The following CNTROB variants were observed in gnomAD, a reference collection of about 807,000 sequenced individuals.
CNTROB encodes centrobin, centriole duplication and spindle assembly protein.
CNTROB carries 82 observed loss-of-function variants against 115.7 expected under a neutral mutation model. The observed-to-expected ratio is 0.71, with a 90% confidence interval of 0.59 to 0.85. The LOEUF (loss-of-function observed/expected upper bound fraction) is 0.85, where lower values mean the gene tolerates loss of function less well. Ranked by LOEUF, CNTROB falls within the 40% of genes least tolerant of loss-of-function variation. CNTROB has a pLI of 0.00. For synonymous variants in CNTROB, 439 were observed against 456.4 expected (o/e 0.96, Z 0.49); for missense variants, 1,014 against 1,144.4 (o/e 0.89, Z 1.64).
At chr17:7,937,921 T>G (rs1373265707) in intron 7 of CNTROB, among the ~76,000 whole-genome samples, 1 of 152,152 alleles carries the variant, frequency 6.6e-6, no homozygotes, top group African/African-American at 2.4e-5. Flanking sequence ...TGGGTGATTT[T>G]TTTCAATCTG....
chr17:7,939,798 G>A lies in CNTROB; in HGVS notation c.1164+49G>A, dbSNP rs746037493. ...TGAGGAACTAGGGAGTAGATGAAGG[G>A]CAAAATAATTGAATGGGATGGAATG... On this transcript the variant is annotated intron_variant, in intron 8 of 18. Transcript: ENST00000563694. This position sits in a 1 kb window ranked among gnomAD's most constrained non-coding sequence, Gnocchi z 4.4. The A allele has an allele frequency of 6.6e-7, 1 of 1,521,522 alleles. No homozygotes were observed. Among genetic ancestry groups the A allele is most frequent in the South Asian group, 1.1e-5 (1 of 88,624 alleles). 94.3% of individuals were successfully genotyped at this position (1,521,522 alleles called of 1,614,324 possible). A position where few individuals can be genotyped will look rare whatever the true frequency, so the allele number is the denominator to read the frequency against.
chr17:7,945,870 C>A lies in CNTROB; in HGVS notation c.1877C>A (p.Ala626Glu). 1 of 1,614,168 alleles carries A rather than the reference C, an allele frequency of 6.2e-7. No individual in the cohort carries two copies. The highest frequency in any genetic ancestry group is 1.1e-5 in the South Asian group (1 of 91,090). Residue 626 changes from alanine to glutamate, a missense_variant, in exon 13 of 19, where the codon GCG becomes GAG. Physicochemically the swap from Ala to Glu is moderately radical, Grantham distance 107 (BLOSUM62 -1). Coordinates refer to ENST00000563694, the MANE Select transcript of CNTROB (RefSeq NM_053051.5). Reference sequence around the variant, plus strand: ...GAAGCAAGGGACGAGCTACCTGGAGCGCCTCCTGTTCTTTGCAGTTCCTCC... The same window carrying A: ...GAAGCAAGGGACGAGCTACCTGGAGAGCCTCCTGTTCTTTGCAGTTCCTCC... ...SREARDELPG[A>E]PPVLCSSSSD...
intron 9 of CNTROB, among the ~76,000 whole-genome samples, chr17:7,940,654 G>A (rs1973747919): frequency 6.6e-6 from 1 of 152,140 alleles, no homozygotes; most frequent in African/African-American, 2.4e-5. Context: ...CAGGGACCCA[G>A]GAGGGCAATG....
chr17:7,949,258 C>G, intron 18 of CNTROB, 101 bp downstream of exon 18: 2 of 1,563,946 alleles, frequency 1.3e-6, no homozygotes, highest in Non-Finnish European at 1.8e-6. Context: ...TCCACCCCTG[C>G]ATTCTGTAGC....
At position 7,936,968 on chromosome 17, in the gene CNTROB, C is replaced by A; in HGVS notation, c.828+151C>A. On this transcript the variant is annotated intron_variant, in intron 6 of 18. Coordinates refer to ENST00000563694, the MANE Select transcript of CNTROB (RefSeq NM_053051.5). ...CATTTCTTCTCATCCCTCCTTTCTT[C>A]TCCTTTAACCGTTTCTGCTGTCCAA... The A allele has an allele frequency of 1.3e-6, 1 of 775,552 alleles. No homozygotes were observed. Among genetic ancestry groups the A allele is most frequent in the Admixed American group, 2.3e-5 (1 of 43,390 alleles). The allele number at this position is 775,552 out of a possible 1,614,324, so 48.0% of individuals were successfully genotyped here. A position where few individuals can be genotyped will look rare whatever the true frequency, so the allele number is the denominator to read the frequency against.
chr17:7,943,526 T>C lies in CNTROB; in HGVS notation c.1445+2T>C. 1 of 1,609,048 alleles carries C rather than the reference T, an allele frequency of 6.2e-7. No homozygotes were observed. The highest frequency in any genetic ancestry group is 8.5e-7 in the Non-Finnish European group (1 of 1,176,608). On this transcript the variant is annotated splice_donor_variant, in intron 10 of 18. Transcript: ENST00000563694. LOFTEE classifies it high-confidence loss of function. This position sits in a 1 kb window ranked among gnomAD's most constrained non-coding sequence, Gnocchi z 4.7. ...AGCCTCCCTCAGGGAACATCACAGG[T>C]ACGTGGGACTCACTGGGTGTCACTT...
chr17:7,933,200 T>G lies in CNTROB; in HGVS notation c.121T>G (p.Ser41Ala). 3 of 1,614,230 alleles carry G rather than the reference T, an allele frequency of 1.9e-6. No individual in the cohort carries two copies. The highest frequency in any genetic ancestry group is 1.7e-6 in the Non-Finnish European group (2 of 1,180,032). The stretch of plus-strand genomic sequence containing the variant: ...TGAAGTGACCTCCCAGCTCTATGCT[T>G]CTTTGCGCCTCAGCCGGCAGGCGGA... ...SSEVTSQLYA[S>A]LRLSRQAEAT... Residue 41 changes from serine (S) to alanine (A), a missense_variant, in exon 1 of 19, where the codon TCT becomes GCT. Ser to Ala is a moderately conservative substitution (Grantham distance 99). Coordinates refer to ENST00000563694, the MANE Select transcript of CNTROB (RefSeq NM_053051.5).
At position 7,944,686 on chromosome 17, in the gene CNTROB, A is replaced by G; in HGVS notation, c.1734+48A>G. 1 of 1,552,022 alleles carries G rather than the reference A, an allele frequency of 6.4e-7. No homozygotes were observed. The highest frequency in any genetic ancestry group is 1.4e-5 in the African/African-American group (1 of 72,892). ...AGCTTCTCCGTTATGTTCTATTTTT[A>G]TTTTTATTTTTGAGACAGGGTCTCA... On this transcript the variant is annotated intron_variant, in intron 12 of 18. Coordinates refer to ENST00000563694, the MANE Select transcript of CNTROB (RefSeq NM_053051.5). The surrounding 1 kb of genome is among the most constrained non-coding windows in gnomAD (Gnocchi z 4.0).
Position 7,933,244 on chromosome 17 carries a change from G to C in CNTROB, c.165G>C (p.Gln55His), listed in dbSNP as rs760338084. 1.9e-6 allele frequency: 3 copies of C among 1,614,226 alleles called. No homozygotes were observed. The highest frequency in any genetic ancestry group is 2.2e-5 in the South Asian group (2 of 91,090). ...AGGCGGAGGCCACGGCCCGAGCCCA[G>C]CTGTATTTACCCTCCACCTCCCCGC... Reference protein sequence around the residue: ...SRQAEATARAQLYLPSTSPPH... With the variant: ...SRQAEATARAHLYLPSTSPPH... Residue 55 changes from glutamine to histidine, a missense_variant, in exon 1 of 19, where the codon CAG (glutamine) becomes CAC (histidine). Coordinates refer to ENST00000563694, the MANE Select transcript of CNTROB (RefSeq NM_053051.5).
chr17:7,933,293 G>A lies in CNTROB; in HGVS notation c.214G>A (p.Ala72Thr), dbSNP rs148253487. Residue 72 changes from alanine (A) to threonine (T), a missense_variant, in exon 1 of 19, where the codon GCC becomes ACC. Physicochemically the swap from Ala to Thr is moderately conservative, Grantham distance 58. Transcript: ENST00000563694. ...SPPHEGLDGF[A>T]QELSRSLSVG... is the part of the protein sequence containing the mutation. The stretch of plus-strand genomic sequence containing the variant: ...GCCTCATGAAGGGTTAGACGGCTTC[G>A]CCCAAGAATTGAGTCGAAGCTTGTC... 4.0e-5 allele frequency: 64 copies of A among 1,614,080 alleles called. No individual in the cohort carries two copies. Among genetic ancestry groups the A allele is most frequent in the Non-Finnish European group, 5.0e-5 (59 of 1,180,034 alleles).
rs762531823 is a variant in CNTROB, at chr17:7,944,670, G to A, written c.1734+32G>A. 3.7e-5 allele frequency: 59 copies of A among 1,573,846 alleles called. No individual in the cohort carries two copies. The highest frequency in any genetic ancestry group is 1.7e-4 in the Admixed American group (9 of 53,190). ...CTTACCCCTTGAGCTAAGCTTCTCC[G>A]TTATGTTCTATTTTTATTTTTATTT... On this transcript the variant is annotated intron_variant, in intron 12 of 18. Transcript: ENST00000563694. This position sits in a 1 kb window ranked among gnomAD's most constrained non-coding sequence, Gnocchi z 4.0.
At position 7,948,336 on chromosome 17, in the gene CNTROB, GT is replaced by G. The variant is rs760551594; in HGVS notation, c.2380+11del. On this transcript the variant is annotated intron_variant, in intron 16 of 18. Coordinates refer to ENST00000563694, the MANE Select transcript of CNTROB (RefSeq NM_053051.5). The surrounding 1 kb of genome is among the most constrained non-coding windows in gnomAD (Gnocchi z 4.4). ...TGGTTCCCCAGAGAGAGGTGAGCAT[GT>G]TCTGGTTTATTAGGGAAAAAAGGAG... 1.9e-6 allele frequency: 3 copies of G among 1,613,878 alleles called. No individual in the cohort carries two copies. Among genetic ancestry groups the G allele is most frequent in the Non-Finnish European group, 8.5e-7 (1 of 1,179,900 alleles).
At chr17:7,935,529 G>C (rs971745783) in intron 4 of CNTROB, 4 of 203,106 alleles carry the variant, frequency 2.0e-5, no homozygotes, top group Non-Finnish European at 3.1e-5. Context: ...AAAGAAAAGG[G>C]CTGAGGGTTA....
intron 6 of CNTROB, 112 bp from the exon 7 acceptor site, chr17:7,937,052 A>T: frequency 1.5e-6 from 2 of 1,338,880 alleles, no homozygotes; most frequent in Non-Finnish European, 2.1e-6. Context: ...CTGGCCCCTT[A>T]GTCATTTAGT....
Position 7,936,433 on chromosome 17 carries a change from C to T in CNTROB, c.662C>T (p.Ala221Val). ...GAGCTACAGCAACAATTAGCCGTGG[C>T]TGTGGCTGCCGACCGCAAGAAAGAT... ...VLELQQQLAV[A>V]VAADRKKDTM... is the part of the protein sequence containing the mutation. The change falls in exon 5 of 19, where the codon GCT (alanine) becomes GTT (valine). Residue 221 changes from alanine to valine, a missense_variant. By Grantham distance (64) the Ala-to-Val change is moderately conservative. Coordinates refer to ENST00000563694, the MANE Select transcript of CNTROB (RefSeq NM_053051.5). 1 of 1,572,634 alleles carries T rather than the reference C, an allele frequency of 6.4e-7. No homozygotes were observed. Among genetic ancestry groups the T allele is most frequent in the South Asian group, 1.1e-5 (1 of 90,226 alleles).
At position 7,944,534 on chromosome 17, in the gene CNTROB, G is replaced by A. The variant is rs1567930762; in HGVS notation, c.1630G>A (p.Glu544Lys). The change falls in exon 12 of 19, where the codon GAG becomes AAG. Residue 544 changes from glutamate to lysine, a missense_variant. Physicochemically the swap from Glu to Lys is moderately conservative, Grantham distance 56. Coordinates refer to ENST00000563694, the MANE Select transcript of CNTROB (RefSeq NM_053051.5). This position sits in a 1 kb window ranked among gnomAD's most constrained non-coding sequence, Gnocchi z 4.0. The stretch of plus-strand genomic sequence containing the variant: ...GCAGAGTGGGAACCAGCAGCTGGAG[G>A]AGCAGCGGGTGGAGCTGGTGGAAAG... ...ELQSGNQQLE[E>K]QRVELVERLQ... 2 of 1,614,038 alleles carry A rather than the reference G, an allele frequency of 1.2e-6. No homozygotes were observed. Among genetic ancestry groups the A allele is most frequent in the South Asian group, 2.2e-5 (2 of 91,094 alleles).
At chr17:7,936,329 G>C (rs1973165302) in intron 4 of CNTROB, 37 bp from the exon 5 acceptor site, 1 of 876,124 alleles carries the variant, frequency 1.1e-6, no homozygotes, top group Non-Finnish European at 2.0e-6. Context: ...TCATACCAAA[G>C]ATGGGCAACA....
intron 18 of CNTROB, 93 bp from the exon 19 acceptor site, chr17:7,949,292 C>T (rs1179446109): frequency 1.0e-5 from 16 of 1,589,512 alleles, no homozygotes; most frequent in Middle Eastern, 3.4e-4. Context: ...CCTGCAGACT[C>T]ATCTGGCCCT....
chr17:7,932,837 C>T lies in CNTROB; in HGVS notation c.-243C>T, dbSNP rs966016908. The T allele has an allele frequency of 4.5e-5, 25 of 554,352 alleles. No homozygotes were observed. The highest frequency in any genetic ancestry group is 7.0e-5 in the Non-Finnish European group (22 of 312,280). The allele number at this position is 554,352 out of a possible 1,614,324, so 34.3% of individuals were successfully genotyped here. A position where few individuals can be genotyped will look rare whatever the true frequency, so the allele number is the denominator to read the frequency against. ...GTCCGCACCCGCTCTGCGCTGCACC[C>T]TCTTAACGCTGTTCCCAGGAGCTGG... On this transcript the variant is annotated 5_prime_UTR_variant, in exon 1 of 19. Transcript: ENST00000563694.
Sources: gnomAD v4.1 joint callset for allele counts (sites outside exome capture counted in the v4.1 genomes callset) on GRCh38, gnomAD v4.1.1 for gene constraint, Gnocchi (gnomAD v3.1) non-coding constraint, MANE v1.5 for transcripts, NCBI Gene and HGNC (gene_info 2026-07-23, HGNC 2026-07-21) for gene names.